The following NCOA2 variants were observed in gnomAD, a reference collection of about 807,000 sequenced individuals.
The protein encoded by NCOA2 is class E basic helix-loop-helix protein 75.
NCOA2 carries 21 observed loss-of-function variants against 145.1 expected under a neutral mutation model. That is an observed-to-expected ratio of 0.14 (90% confidence interval 0.10 to 0.21). The LOEUF is 0.21. Among genes scored for constraint, NCOA2 ranks in the 10% least tolerant of loss-of-function variants. NCOA2 has a pLI of 1.00. For missense variants in NCOA2, 1,472 were observed against 1,837.6 expected (o/e 0.80, Z 3.64); for synonymous variants, 619 against 637.5 (o/e 0.97, Z 0.44).
chr8:70,137,318 C>T (rs1809846063), intron 15 of NCOA2, among the ~76,000 whole-genome samples: 3 of 152,224 alleles, frequency 2.0e-5, no homozygotes, highest in Admixed American at 2.0e-4. Context: ...GCTAGGATTA[C>T]AGGCGTGAGC....
chr8:70,194,480 C>A (rs953668771), intron 4 of NCOA2, among the ~76,000 whole-genome samples: 9 of 152,074 alleles, frequency 5.9e-5, no homozygotes, highest in African/African-American at 2.2e-4. Context: ...GAGGTTACAT[C>A]GCACAAGTGA....
chr8:70,450,573 CTTT>C, the NCOA2 span, among the ~76,000 whole-genome samples: 56 of 94,628 alleles, frequency 5.9e-4, no homozygotes, highest in African/African-American at 2.0e-3. Flanking sequence ...TCTTTTTATT[CTTT>C]TTTTTTTTTT....
At chr8:70,366,489 C>G (rs1170881753) in intron 1 of NCOA2, among the ~76,000 whole-genome samples, 2 of 151,448 alleles carry the variant, frequency 1.3e-5, no homozygotes, top group Non-Finnish European at 1.5e-5. Flanking sequence ...ATTTAATACT[C>G]AGGGGCTTTC....
At chr8:70,163,719 T>C (rs1184853432) in intron 7 of NCOA2, among the ~76,000 whole-genome samples, 153 bp from the exon 8 acceptor site, 1 of 152,176 alleles carries the variant, frequency 6.6e-6, no homozygotes, top group Admixed American at 6.5e-5. Context: ...ACTGGTTTTA[T>C]TCTCTTCATG....
chr8:70,367,302 T>C (rs572546974), intron 1 of NCOA2, among the ~76,000 whole-genome samples: 3 of 152,346 alleles, frequency 2.0e-5, no homozygotes, highest in East Asian at 3.9e-4. Context: ...GTTTTGAAAT[T>C]AAATAAATTC....
chr8:70,450,216 T>C, the NCOA2 span, among the ~76,000 whole-genome samples: 1 of 152,246 alleles, frequency 6.6e-6, no homozygotes, highest in African/African-American at 2.4e-5. Context: ...TATTACATCC[T>C]GAACAAATTC....
chr8:70,291,615 T>C (rs76928392), intron 2 of NCOA2, among the ~76,000 whole-genome samples: 19 of 152,316 alleles, frequency 1.2e-4, no homozygotes, highest in African/African-American at 3.4e-4. Context: ...AGAATGAAGA[T>C]TGCCTGGACT....
chr8:70,360,373 G>A (rs557278179), intron 1 of NCOA2, among the ~76,000 whole-genome samples: 56 of 152,210 alleles, frequency 3.7e-4, no homozygotes, highest in African/African-American at 1.2e-3. Context: ...AGTTAGTGAA[G>A]TCCCAAGACA....
intron 2 of NCOA2, among the ~76,000 whole-genome samples, chr8:70,226,032 A>G (rs747809092): frequency 7.2e-5 from 11 of 152,176 alleles, no homozygotes; most frequent in Non-Finnish European, 1.5e-4. Flanking sequence ...AATTTAATAG[A>G]CTATAAATGT....
chr8:70,341,626 GA>G (rs1808149616), intron 1 of NCOA2, among the ~76,000 whole-genome samples: 1 of 152,148 alleles, frequency 6.6e-6, no homozygotes, highest in South Asian at 2.1e-4. Flanking sequence ...AATCAGCAAT[GA>G]ATTTTGTTTT....
the NCOA2 span, among the ~76,000 whole-genome samples, chr8:70,426,085 C>G: frequency 6.6e-6 from 1 of 152,178 alleles, no homozygotes; most frequent in Non-Finnish European, 1.5e-5. Flanking sequence ...AACAGCAAAA[C>G]TCTTCTCTTC....
At chr8:70,160,135 G>A (rs570745232) in intron 9 of NCOA2, among the ~76,000 whole-genome samples, 22 of 152,140 alleles carry the variant, frequency 1.4e-4, no homozygotes, top group African/African-American at 4.8e-4. Flanking sequence ...TAGAAATTAC[G>A]TACTGTTCAA....
chr8:70,320,817 C>T (rs1230898509), intron 1 of NCOA2, among the ~76,000 whole-genome samples: 1 of 152,072 alleles, frequency 6.6e-6, no homozygotes, highest in Non-Finnish European at 1.5e-5. Context: ...TAACTGGTCT[C>T]GAAAACAAGG....
chr8:70,203,220 A>G (rs1003902738), intron 4 of NCOA2, among the ~76,000 whole-genome samples: 9 of 149,676 alleles, frequency 6.0e-5, no homozygotes, highest in African/African-American at 2.2e-4. Context: ...CCGAGATCGC[A>G]CCACTGCACT....
At chr8:70,148,146 G>A (rs1486147713) in intron 12 of NCOA2, 127 bp downstream of exon 12, 2 of 841,498 alleles carry the variant, frequency 2.4e-6, no homozygotes, top group African/African-American at 3.3e-5. Flanking sequence ...CAGGACAGTA[G>A]ATGGTGCTAT....
chr8:70,382,955 G>A (rs891210756), intron 1 of NCOA2, among the ~76,000 whole-genome samples: 2 of 152,162 alleles, frequency 1.3e-5, no homozygotes, highest in Non-Finnish European at 2.9e-5. Context: ...CCACAGCTCT[G>A]AGTGAATAGC....
At chr8:70,248,898 T>C (rs1260781086) in intron 2 of NCOA2, among the ~76,000 whole-genome samples, 1 of 151,782 alleles carries the variant, frequency 6.6e-6, no homozygotes, top group Non-Finnish European at 1.5e-5. Flanking sequence ...CTGCTTAGGA[T>C]ATTGTATGAA....
intron 13 of NCOA2, among the ~76,000 whole-genome samples, chr8:70,142,819 A>T (rs202037439): frequency 3.6e-4 from 55 of 152,350 alleles, no homozygotes; most frequent in Non-Finnish European, 5.9e-4. Flanking sequence ...TTATTTTTTT[A>T]AAAATCTGTT....
intron 1 of NCOA2, among the ~76,000 whole-genome samples, chr8:70,396,224 T>A (rs1215190669): frequency 6.6e-6 from 1 of 152,254 alleles, no homozygotes; most frequent in East Asian, 1.9e-4. Flanking sequence ...CAAATACCTG[T>A]ATCAGCATTC....
Sources: gnomAD v4.1 joint callset for allele counts (sites outside exome capture counted in the v4.1 genomes callset) on GRCh38, gnomAD v4.1.1 for gene constraint, MANE v1.5 for transcripts, NCBI Gene and HGNC (gene_info 2026-07-23, HGNC 2026-07-21) for gene names.